The following CFAP161 variants were observed in gnomAD, a reference collection of about 807,000 sequenced individuals.
The protein encoded by CFAP161 is cilia and flagella associated protein 161, also known as cilia- and flagella-associated protein 161.
In CFAP161, 25 loss-of-function variants were observed where a neutral mutation model predicts 29.0. The observed-to-expected ratio is 0.86, with a 90% CI of 0.63 to 1.20. The LOEUF is 1.20. Ranked by LOEUF, CFAP161 falls within the 50% of genes most tolerant of loss-of-function variation. The pLI, the probability that CFAP161 is intolerant of heterozygous loss-of-function variation, is 0.00. For synonymous variants in CFAP161, 116 were observed against 137.4 expected (o/e 0.84, Z 1.09); for missense variants, 367 against 371.9 (o/e 0.99, Z 0.11).
intron 1 of CFAP161, among the ~76,000 whole-genome samples, chr15:81,113,077 T>A (rs1894457808): frequency 6.6e-6 from 1 of 152,224 alleles, no homozygotes; most frequent in African/African-American, 2.4e-5. Context: ...AAGGAGAATT[T>A]AAAAAATCCC....
chr15:81,117,723 T>C, intron 1 of CFAP161: 1 of 323,796 alleles, frequency 3.1e-6, no homozygotes, highest in Non-Finnish European at 6.2e-6. Context: ...TTCATCCTCA[T>C]CCATCTTCAT....
upstream of CFAP161, chr15:81,134,188 C>A: frequency 2.1e-6 from 2 of 975,298 alleles, no homozygotes; most frequent in African/African-American, 1.7e-5. Flanking sequence ...TCTCCCGCCC[C>A]AGGGCGAGGG....
intron 1 of CFAP161, among the ~76,000 whole-genome samples, chr15:81,105,981 C>T (rs1303678225): frequency 2.0e-5 from 3 of 152,168 alleles, no homozygotes; most frequent in Non-Finnish European, 4.4e-5. Context: ...AAAAAGACCC[C>T]TGTCTTTATG....
intron 4 of CFAP161, among the ~76,000 whole-genome samples, chr15:81,143,459 G>GGT (rs370549893): frequency 2.6e-5 from 4 of 151,960 alleles, no homozygotes; most frequent in African/African-American, 4.8e-5. Context: ...AGTGTGTGTA[G>GGT]GTGTGTGTGT....
upstream of CFAP161, among the ~76,000 whole-genome samples, chr15:81,129,395 C>G (rs1379234456): frequency 6.6e-6 from 1 of 152,010 alleles, no homozygotes; most frequent in Non-Finnish European, 1.5e-5. Context: ...GCTGGGGAGG[C>G]CTCACAATCA....
intron 4 of CFAP161, among the ~76,000 whole-genome samples, chr15:81,138,463 C>A (rs900962393): frequency 6.6e-6 from 1 of 152,234 alleles, no homozygotes; most frequent in African/African-American, 2.4e-5. Flanking sequence ...CCATCTGATA[C>A]CTGTCAAATG....
chr15:81,122,449 C>A (rs982107873), intron 1 of CFAP161, among the ~76,000 whole-genome samples: 3 of 151,362 alleles, frequency 2.0e-5, no homozygotes, highest in Non-Finnish European at 4.4e-5. Flanking sequence ...TTGATTTGCA[C>A]TTCTCTAATG....
chr15:81,133,221 A>G (rs12708530), upstream of CFAP161, among the ~76,000 whole-genome samples: 8,563 of 32,076 alleles, frequency 0.27, 623 homozygotes, highest in African/African-American at 0.3. Flanking sequence ...ATATATATAT[A>G]TATGTATTTT....
At chr15:81,113,295 G>C (rs1265696449) in intron 1 of CFAP161, among the ~76,000 whole-genome samples, 1 of 152,188 alleles carries the variant, frequency 6.6e-6, no homozygotes, top group Non-Finnish European at 1.5e-5. Context: ...AACTAGTCTA[G>C]CCAAGGTCAC....
chr15:81,135,933 C>T (rs1894802172), intron 2 of CFAP161, among the ~76,000 whole-genome samples: 2 of 151,966 alleles, frequency 1.3e-5, no homozygotes, highest in South Asian at 4.2e-4. Flanking sequence ...GGTATATACC[C>T]AAAGGATTAT....
intron 1 of CFAP161, among the ~76,000 whole-genome samples, chr15:81,121,611 C>T (rs999959721): frequency 1.3e-5 from 2 of 151,906 alleles, no homozygotes; most frequent in Non-Finnish European, 2.9e-5. Context: ...TTAGCAAAAA[C>T]CTGGGAAGCA....
At chr15:81,114,277 G>T (rs1894470597) in intron 1 of CFAP161, among the ~76,000 whole-genome samples, 1 of 152,046 alleles carries the variant, frequency 6.6e-6, no homozygotes, top group African/African-American at 2.4e-5. Context: ...ACTATACTGT[G>T]GTCTATTAAG....
chr15:81,101,955 C>G (rs1304344545), intron 1 of CFAP161, among the ~76,000 whole-genome samples: 7 of 152,172 alleles, frequency 4.6e-5, no homozygotes, highest in Admixed American at 3.3e-4. Flanking sequence ...ACTACACCAC[C>G]ACCCTCTTCC....
chr15:81,141,224 T>G (rs1894902538), intron 4 of CFAP161, among the ~76,000 whole-genome samples: 2 of 152,222 alleles, frequency 1.3e-5, no homozygotes, highest in Non-Finnish European at 1.5e-5. Flanking sequence ...CAGTAAGATT[T>G]TGTGGTTTTC....
intron 1 of CFAP161, among the ~76,000 whole-genome samples, chr15:81,113,384 T>C (rs1022670049): frequency 1.3e-5 from 2 of 152,226 alleles, no homozygotes; most frequent in Non-Finnish European, 2.9e-5. Context: ...AATTCCACTC[T>C]GACATTAACT....
intron 1 of CFAP161, among the ~76,000 whole-genome samples, chr15:81,122,331 C>T (rs1234979985): frequency 2.0e-5 from 3 of 152,152 alleles, no homozygotes; most frequent in Non-Finnish European, 2.9e-5. Context: ...ATCCCACCAA[C>T]AGTATAAATG....
chr15:81,146,552 A>T (rs1207154024), intron 5 of CFAP161, among the ~76,000 whole-genome samples: 3 of 151,852 alleles, frequency 2.0e-5, no homozygotes, highest in Admixed American at 2.0e-4. Flanking sequence ...ACAATAATGT[A>T]TTTCATCCAT....
chr15:81,119,799 G>T (rs1461298820), intron 1 of CFAP161, among the ~76,000 whole-genome samples: 5 of 152,104 alleles, frequency 3.3e-5, no homozygotes, highest in Admixed American at 1.3e-4. Context: ...CCCCATGGTG[G>T]TTCATGCTTG....
At chr15:81,143,373 CAG>C (rs770798856) in intron 4 of CFAP161, among the ~76,000 whole-genome samples, 4 of 152,056 alleles carry the variant, frequency 2.6e-5, no homozygotes, top group Non-Finnish European at 5.9e-5. Flanking sequence ...TGAAGGGGAA[CAG>C]GGGACAGGGA....
Sources: allele counts gnomAD v4.1 joint callset (sites outside exome capture counted in the v4.1 genomes callset), GRCh38; gene constraint gnomAD v4.1.1; transcripts MANE v1.5; gene names NCBI Gene and HGNC (gene_info 2026-07-23, HGNC 2026-07-21).